RALYL: variants seen among roughly 807,000 people sequenced by gnomAD.
RALYL encodes RALY RNA binding protein like, also known as RNA-binding Raly-like protein.
In RALYL, 29 loss-of-function variants were observed where a neutral mutation model predicts 35.1. The ratio of observed to expected loss-of-function variants is 0.83; its 90% CI spans 0.61 to 1.13. The LOEUF (loss-of-function observed/expected upper bound fraction) is 1.13, where lower values mean the gene tolerates loss of function less well. Ranked by LOEUF, RALYL falls within the 50% of genes most tolerant of loss-of-function variation. The probability of loss-of-function intolerance (pLI) is 0.00; values close to 1 mark genes in which losing one functional copy is unlikely to be tolerated. For missense variants in RALYL, 359 were observed against 360.4 expected (o/e 1.00, Z 0.03); for synonymous variants, 120 against 127.6 (o/e 0.94, Z 0.40).
chr8:84,738,305 A>T (rs576219574), intron 2 of RALYL, among the ~76,000 whole-genome samples: 1 of 151,988 alleles, frequency 6.6e-6, no homozygotes, highest in East Asian at 1.9e-4. Context: ...GTACAAAAAA[A>T]GTCCTCAAGA....
chr8:84,670,052 C>T (rs968852746), intron 2 of RALYL, among the ~76,000 whole-genome samples: 23 of 151,974 alleles, frequency 1.5e-4, no homozygotes, highest in African/African-American at 5.6e-4. Flanking sequence ...TTCTTGAGAG[C>T]TTGTTCCTCT....
chr8:84,877,529 C>T (rs1345026570), intron 7 of RALYL, among the ~76,000 whole-genome samples: 1 of 151,938 alleles, frequency 6.6e-6, no homozygotes, highest in East Asian at 1.9e-4. Flanking sequence ...TATACGCACA[C>T]ACATATATAT....
intron 2 of RALYL, among the ~76,000 whole-genome samples, chr8:84,699,005 C>CATAGATAGATAGATAGATAGATAG (rs3068019): frequency 4.9e-5 from 7 of 144,278 alleles, no homozygotes; most frequent in African/African-American, 1.3e-4. Context: ...TAGGTAGGTA[C>CATAGATAGATAGATAGATAGATAG]ATAGATAGAT....
chr8:84,804,295 C>T (rs887152619), intron 3 of RALYL, among the ~76,000 whole-genome samples: 1 of 152,114 alleles, frequency 6.6e-6, no homozygotes, highest in South Asian at 2.1e-4. Flanking sequence ...ACTACCCCAC[C>T]CTAAGGGGTG....
chr8:84,297,508 A>C (rs1839985893), intron 1 of RALYL, among the ~76,000 whole-genome samples: 1 of 152,114 alleles, frequency 6.6e-6, no homozygotes, highest in South Asian at 2.1e-4. Flanking sequence ...GTGGTGCTGT[A>C]ATGAACATGC....
At chr8:84,874,166 T>C (rs1840705999) in intron 7 of RALYL, among the ~76,000 whole-genome samples, 1 of 152,182 alleles carries the variant, frequency 6.6e-6, no homozygotes, top group Non-Finnish European at 1.5e-5. Context: ...GACAGACTTA[T>C]GCCTCTTCGA....
At chr8:84,345,625 C>T (rs1035025843) in intron 1 of RALYL, among the ~76,000 whole-genome samples, 5 of 151,982 alleles carry the variant, frequency 3.3e-5, no homozygotes, top group Non-Finnish European at 7.4e-5. Flanking sequence ...TTTGGGAAGA[C>T]CCTCCAGCAT....
chr8:84,318,002 A>G (rs1844081126), intron 1 of RALYL, among the ~76,000 whole-genome samples: 1 of 151,904 alleles, frequency 6.6e-6, no homozygotes, highest in African/African-American at 2.4e-5. Context: ...TTCTATATTC[A>G]CCTTAGTCTG....
chr8:84,290,732 G>A (rs1838619636), intron 1 of RALYL, among the ~76,000 whole-genome samples: 1 of 152,178 alleles, frequency 6.6e-6, no homozygotes, highest in Admixed American at 6.5e-5. Flanking sequence ...CCATGGCTTG[G>A]CTTGGGCTCA....
At chr8:84,596,297 T>C (rs1814519935) in intron 2 of RALYL, among the ~76,000 whole-genome samples, 1 of 152,120 alleles carries the variant, frequency 6.6e-6, no homozygotes, top group African/African-American at 2.4e-5. Context: ...AGTTGGTCCA[T>C]ATTTTAGCTC....
chr8:84,507,395 A>C (rs2134339615), intron 1 of RALYL, among the ~76,000 whole-genome samples: 1 of 152,248 alleles, frequency 6.6e-6, no homozygotes, highest in Non-Finnish European at 1.5e-5. Context: ...TGAATTCAGT[A>C]GGTATGCAGT....
intron 2 of RALYL, among the ~76,000 whole-genome samples, chr8:84,628,188 T>C (rs1823161579): frequency 6.6e-6 from 1 of 152,130 alleles, no homozygotes; most frequent in South Asian, 2.1e-4. Flanking sequence ...TTTCCTCTTT[T>C]CATTATTCCA....
intron 1 of RALYL, among the ~76,000 whole-genome samples, chr8:84,234,332 A>T (rs34749863): frequency 0.059 from 8,984 of 152,270 alleles, 302 homozygotes; most frequent in Middle Eastern, 0.099. Flanking sequence ...GGATACCTTT[A>T]TATATGTATT....
chr8:84,807,269 G>T (rs1474315838), intron 4 of RALYL, among the ~76,000 whole-genome samples: 1 of 152,098 alleles, frequency 6.6e-6, no homozygotes, highest in Non-Finnish European at 1.5e-5. Flanking sequence ...ACGATGTTTG[G>T]TTTTCCATTC....
At chr8:84,488,101 A>G (rs753915555) in intron 1 of RALYL, among the ~76,000 whole-genome samples, 1 of 152,090 alleles carries the variant, frequency 6.6e-6, no homozygotes. Flanking sequence ...GAAATAATTT[A>G]TCATGAGATG....
chr8:84,598,513 C>G (rs1294451208), intron 2 of RALYL, among the ~76,000 whole-genome samples: 1 of 152,070 alleles, frequency 6.6e-6, no homozygotes, highest in Non-Finnish European at 1.5e-5. Flanking sequence ...ACTGCAAGCT[C>G]TGGATTTTGA....
At chr8:84,908,820 G>T (rs757473885) in intron 8 of RALYL, among the ~76,000 whole-genome samples, 2 of 151,168 alleles carry the variant, frequency 1.3e-5, no homozygotes, top group Non-Finnish European at 2.9e-5. Flanking sequence ...TTGACAAGTT[G>T]ATGTCACTGA....
intron 2 of RALYL, among the ~76,000 whole-genome samples, chr8:84,639,885 T>C (rs1192490201): frequency 6.6e-6 from 1 of 152,006 alleles, no homozygotes; most frequent in Non-Finnish European, 1.5e-5. Context: ...AAAAATAAGG[T>C]CATAAAGTGG....
chr8:84,650,555 T>C (rs938250798), intron 2 of RALYL, among the ~76,000 whole-genome samples: 3 of 151,838 alleles, frequency 2.0e-5, no homozygotes, highest in African/African-American at 7.3e-5. Flanking sequence ...TGGCAAACAT[T>C]AAAAAGTCAG....
Sources: gnomAD v4.1 joint callset for allele counts (sites outside exome capture counted in the v4.1 genomes callset) on GRCh38, gnomAD v4.1.1 for gene constraint, MANE v1.5 for transcripts, NCBI Gene and HGNC (gene_info 2026-07-23, HGNC 2026-07-21) for gene names.